STK33: variants seen among roughly 807,000 people sequenced by gnomAD.
The protein encoded by STK33 is serine/threonine kinase 33.
Under a neutral mutation model 58.0 loss-of-function variants are expected in STK33, and 52 were observed. The observed-to-expected ratio is 0.90, with a 90% CI of 0.72 to 1.13. The LOEUF (loss-of-function observed/expected upper bound fraction) is 1.13. STK33 is among the 50% of genes most tolerant of loss of function. STK33 has a pLI of 0.00. For synonymous variants in STK33, 215 were observed against 200.1 expected, an observed-to-expected ratio of 1.07 and a Z score of -0.63; for missense variants, 630 against 604.2, an observed-to-expected ratio of 1.04 and a Z score of -0.45.
intron 15 of STK33, among the ~76,000 whole-genome samples, chr11:8,395,281 T>C (rs999253146): frequency 1.3e-5 from 2 of 152,202 alleles, no homozygotes; most frequent in East Asian, 1.9e-4. Flanking sequence ...GCTGTTCTCA[T>C]GACAATGAAT....
At chr11:8,363,870 A>G in the STK33 span, among the ~76,000 whole-genome samples, 420 of 152,334 alleles carry the variant, frequency 2.8e-3, 1 homozygote, top group African/African-American at 9.7e-3. Context: ...TAGACATCAG[A>G]GACATTAAGA....
At chr11:8,497,538 C>T (rs1002204549) in intron 1 of STK33, among the ~76,000 whole-genome samples, 2 of 152,188 alleles carry the variant, frequency 1.3e-5, no homozygotes, top group Non-Finnish European at 2.9e-5. Flanking sequence ...AGCATGATCA[C>T]AGCTCACTGC....
intron 11 of STK33, among the ~76,000 whole-genome samples, chr11:8,452,213 G>C (rs1384022233): frequency 6.6e-6 from 1 of 151,732 alleles, no homozygotes; most frequent in Non-Finnish European, 1.5e-5. Context: ...GAAAAAAAAA[G>C]CAAACAAGCA....
intron 1 of STK33, among the ~76,000 whole-genome samples, chr11:8,580,105 C>T (rs2029874524): frequency 6.6e-6 from 1 of 152,046 alleles, no homozygotes; most frequent in Admixed American, 6.6e-5. Flanking sequence ...TCCAGCAATC[C>T]CACTGTGGGG....
intron 9 of STK33, among the ~76,000 whole-genome samples, chr11:8,456,048 G>T (rs1946824534): frequency 6.6e-6 from 1 of 152,010 alleles, no homozygotes; most frequent in African/African-American, 2.4e-5. Flanking sequence ...AGATCTCCCT[G>T]CTGCCTCCAT....
At chr11:8,553,167 A>AATATATATATATATATATATATATATAT (rs56363010) in intron 1 of STK33, among the ~76,000 whole-genome samples, 7 of 68,190 alleles carry the variant, frequency 1.0e-4, no homozygotes, top group East Asian at 5.3e-4. Flanking sequence ...CCAAAAATAA[A>AATATATATATATATATATATATATATAT]ATATATATAT....
At chr11:8,445,264 T>C (rs1333942219) in intron 11 of STK33, among the ~76,000 whole-genome samples, 1 of 152,224 alleles carries the variant, frequency 6.6e-6, no homozygotes, top group Non-Finnish European at 1.5e-5. Context: ...GTTTTTCAGC[T>C]TAAGGAGATT....
chr11:8,574,943 G>A (rs541725332), intron 1 of STK33, among the ~76,000 whole-genome samples: 1 of 152,196 alleles, frequency 6.6e-6, no homozygotes, highest in East Asian at 1.9e-4. Flanking sequence ...TACAAAGGAG[G>A]CTGAGGCAGG....
chr11:8,464,678 C>T (rs767607363), intron 7 of STK33, 31 bp downstream of exon 7: 2 of 1,500,152 alleles, frequency 1.3e-6, no homozygotes, highest in Admixed American at 1.7e-5. Flanking sequence ...TAACACTGTG[C>T]CCTCAGTAGG....
Position 8,449,334 on chromosome 11 carries a change from ATATGTTTAC to A in STK33, c.871+3479_871+3487del, listed in dbSNP as rs1464278684. ...TGCTGCCATAAAGACACATGCACAC[ATATGTTTAC>A]TGCGGCACTATTCACAATAGCAAAG... On this transcript the variant is annotated intron_variant, in intron 11 of 15. Transcript: ENST00000687296. Among the ~76,000 whole-genome samples, 8 of 151,742 alleles carry A rather than the reference ATATGTTTAC, an allele frequency of 5.3e-5. No individual in the cohort carries two copies. The East Asian group carries it at 1.4e-3, about 26-fold the overall frequency.
intron 1 of STK33, among the ~76,000 whole-genome samples, chr11:8,544,287 A>G (rs12805671): frequency 0.4 from 58,187 of 147,228 alleles, 11,801 homozygotes; most frequent in South Asian, 0.57. Context: ...AAACTATCCC[A>G]AGTGGAAATT....
chr11:8,407,052 C>G (rs1367018836), intron 15 of STK33, among the ~76,000 whole-genome samples: 1 of 151,102 alleles, frequency 6.6e-6, no homozygotes, highest in African/African-American at 2.4e-5. Flanking sequence ...AGGATTTTCT[C>G]ATGTTTGAGT....
chr11:8,528,209 T>G (rs1481642740), intron 1 of STK33, among the ~76,000 whole-genome samples: 2 of 149,368 alleles, frequency 1.3e-5, no homozygotes, highest in African/African-American at 5.0e-5. Flanking sequence ...TGCCTGCAAG[T>G]AATTGTTTAA....
chr11:8,588,481 A>G (rs1284137434), intron 1 of STK33, among the ~76,000 whole-genome samples: 2 of 152,196 alleles, frequency 1.3e-5, no homozygotes, highest in Non-Finnish European at 2.9e-5. Context: ...CTACACATAA[A>G]AGAATGAATC....
intron 1 of STK33, among the ~76,000 whole-genome samples, chr11:8,572,069 A>T (rs1184143873): frequency 6.7e-6 from 1 of 150,078 alleles, no homozygotes; most frequent in Non-Finnish European, 1.5e-5. Context: ...TAAAATTAAA[A>T]ATTAATTTTA....
intron 11 of STK33, 89 bp downstream of exon 11, chr11:8,452,733 A>G (rs1946428834): frequency 5.9e-6 from 7 of 1,182,096 alleles, no homozygotes; most frequent in Non-Finnish European, 8.7e-6. Flanking sequence ...GGCTGCAGTG[A>G]GCCAAGATCA....
At chr11:8,509,229 T>A (rs141427881) in intron 1 of STK33, among the ~76,000 whole-genome samples, 1 of 152,004 alleles carries the variant, frequency 6.6e-6, no homozygotes, top group Non-Finnish European at 1.5e-5. Flanking sequence ...AGTTCAACGA[T>A]TAAATCCTAT....
chr11:8,485,540 G>C (rs1312592158), intron 1 of STK33, among the ~76,000 whole-genome samples: 1 of 152,160 alleles, frequency 6.6e-6, no homozygotes, highest in African/African-American at 2.4e-5. Context: ...GAAAAGTCCA[G>C]AGTAGAAACA....
intron 11 of STK33, among the ~76,000 whole-genome samples, chr11:8,443,438 C>A (rs1222501290): frequency 6.6e-6 from 1 of 151,988 alleles, no homozygotes; most frequent in Non-Finnish European, 1.5e-5. Context: ...ACAGATAAAC[C>A]AAAAGGCTAG....
Sources: allele counts gnomAD v4.1 joint callset (sites outside exome capture counted in the v4.1 genomes callset), GRCh38; gene constraint gnomAD v4.1.1; transcripts MANE v1.5; gene names NCBI Gene and HGNC (gene_info 2026-07-23, HGNC 2026-07-21).